Variants in OXR1 observed in about 807,000 individuals in gnomAD.
OXR1 encodes oxidation resistance protein 1.
OXR1 carries 41 observed loss-of-function variants against 104.6 expected under a neutral mutation model. The observed-to-expected ratio is 0.39, with a 90% CI of 0.31 to 0.51. OXR1 has a LOEUF of 0.51. OXR1 is among the 20% of genes least tolerant of loss of function. OXR1 has a pLI of 0.77. For synonymous variants in OXR1, 348 were observed against 348.4 expected, an observed-to-expected ratio of 1.00 and a Z score of 0.01; for missense variants, 955 against 1,031.9, an observed-to-expected ratio of 0.93 and a Z score of 1.02.
chr8:106,424,056 C>T (rs189019882), intron 2 of OXR1, among the ~76,000 whole-genome samples: 1 of 152,214 alleles, frequency 6.6e-6, no homozygotes, highest in African/African-American at 2.4e-5. Context: ...TCTGCCTTAG[C>T]CTCCCAAGTA....
At chr8:106,650,877 G>T (rs1195676567) in intron 3 of OXR1, among the ~76,000 whole-genome samples, 1 of 152,108 alleles carries the variant, frequency 6.6e-6, no homozygotes, top group Non-Finnish European at 1.5e-5. Flanking sequence ...AGTTATACCA[G>T]GAACTGTGTA....
chr8:106,448,105 G>C (rs1255930487), intron 2 of OXR1: 26 of 1,515,906 alleles, frequency 1.7e-5, no homozygotes, highest in Non-Finnish European at 2.2e-5. Context: ...TGAAGAAAAC[G>C]TTTCCTAGTT....
chr8:106,339,519 AATATATATAT>A (rs756741127), intron 1 of OXR1, among the ~76,000 whole-genome samples: 5,009 of 33,384 alleles, frequency 0.15, 908 homozygotes, highest in South Asian at 0.21. Context: ...AAAAAAAAAA[AATATATATAT>A]ATATATATAT....
At chr8:106,308,416 C>G (rs1813553016) in intron 1 of OXR1, among the ~76,000 whole-genome samples, 1 of 152,156 alleles carries the variant, frequency 6.6e-6, no homozygotes, top group African/African-American at 2.4e-5. Context: ...CCCACACAGA[C>G]ACATCTAGAA....
Position 106,584,299 on chromosome 8 carries a change from C to A in OXR1, c.220+65160C>A, listed in dbSNP as rs1416133577. On this transcript the variant is annotated intron_variant, in intron 3 of 16. Transcript: ENST00000517566. ...AAACAGGATCTCCAGAAAGAGATACCAGACTTAAAAAAAGAGAGGGGTGTT... is the reference window on the plus strand; with the variant it reads ...AAACAGGATCTCCAGAAAGAGATACAAGACTTAAAAAAAGAGAGGGGTGTT... Among the ~76,000 whole-genome samples the A allele has an allele frequency of 2.7e-5, 4 of 149,652 alleles. No individual in the cohort carries two copies. In the East Asian group the frequency reaches 7.9e-4, roughly 30 times the overall value.
chr8:106,318,821 T>A (rs1814091432), intron 1 of OXR1, among the ~76,000 whole-genome samples: 1 of 152,220 alleles, frequency 6.6e-6, no homozygotes, highest in Non-Finnish European at 1.5e-5. Context: ...ATTTATCTTT[T>A]AATCATTAGA....
intron 2 of OXR1, among the ~76,000 whole-genome samples, chr8:106,392,226 C>T (rs1476839212): frequency 1.3e-5 from 2 of 152,118 alleles, no homozygotes; most frequent in African/African-American, 2.4e-5. Context: ...ATAGGAAATC[C>T]TCACCCCACA....
At chr8:106,520,627 G>C (rs1470016645) in intron 3 of OXR1, 1 of 152,184 alleles carries the variant, frequency 6.6e-6, no homozygotes, top group Non-Finnish European at 1.5e-5. Flanking sequence ...ATTAATAAAA[G>C]TGTAGACAGG....
Position 106,640,645 on chromosome 8 carries a change from A to G in OXR1, c.221-38565A>G, listed in dbSNP as rs377085641. 1.1e-4 allele frequency among the ~76,000 whole-genome samples: 16 copies of G among 152,282 alleles called. No homozygotes were observed. In the East Asian group the frequency reaches 2.1e-3, roughly 20 times the overall value. ...CATGTAATCTTTACTTTGGGAAGTA[A>G]CTTCGATAGCATAAAAATAACATTT... On this transcript the variant is annotated intron_variant, in intron 3 of 16. Transcript: ENST00000517566.
At chr8:106,493,534 C>T (rs55798121) in intron 2 of OXR1, among the ~76,000 whole-genome samples, 175 of 152,210 alleles carry the variant, frequency 1.1e-3, no homozygotes, top group African/African-American at 4.0e-3. Flanking sequence ...ATTAACTTCC[C>T]GTTTGATTCT....
At chr8:106,552,955 A>T (rs1815965825) in intron 3 of OXR1, among the ~76,000 whole-genome samples, 2 of 152,170 alleles carry the variant, frequency 1.3e-5, no homozygotes, top group African/African-American at 4.8e-5. Context: ...CTGGATAACA[A>T]AGACTGTTTT....
intron 1 of OXR1, among the ~76,000 whole-genome samples, chr8:106,316,714 TATC>T (rs10570387): frequency 0.099 from 7,957 of 80,224 alleles, 238 homozygotes; most frequent in African/African-American, 0.2. Flanking sequence ...TCTATCTATC[TATC>T]ATCTATCTAT....
intron 6 of OXR1, among the ~76,000 whole-genome samples, chr8:106,687,869 A>T (rs1268338316): frequency 6.6e-6 from 1 of 152,136 alleles, no homozygotes; most frequent in East Asian, 1.9e-4. Flanking sequence ...TAAGATTCTA[A>T]CCCAGATGGG....
At chr8:106,501,270 A>G (rs1811788900) in intron 2 of OXR1, among the ~76,000 whole-genome samples, 1 of 152,156 alleles carries the variant, frequency 6.6e-6, no homozygotes, top group African/African-American at 2.4e-5. Context: ...AAGACAGGCA[A>G]CTGCCACCAC....
At chr8:106,470,425 G>A (rs1429159924) in intron 2 of OXR1, among the ~76,000 whole-genome samples, 1 of 151,766 alleles carries the variant, frequency 6.6e-6, no homozygotes, top group Non-Finnish European at 1.5e-5. Context: ...ATAAGTCCGA[G>A]TATTTTGGCC....
chr8:106,378,591 C>T lies in OXR1; in HGVS notation c.23+18955C>T, dbSNP rs943436691. ...ATGGCACGATCTCGGCTCACCACAA[C>T]TTCTGACACCCAGGTTCAAGTGATT... On this transcript the variant is annotated intron_variant, in intron 2 of 16. Transcript: ENST00000517566. Among the ~76,000 whole-genome samples the T allele has an allele frequency of 6.6e-5, 10 of 152,310 alleles. 1 individual carries two copies. Among genetic ancestry groups the T allele is most frequent in the Admixed American group, 4.6e-4 (7 of 15,298 alleles).
intron 3 of OXR1, chr8:106,522,942 G>A (rs1163952654): frequency 6.6e-6 from 1 of 152,214 alleles, no homozygotes; most frequent in Non-Finnish European, 1.5e-5. Context: ...TGCTCAGGGT[G>A]TCTCAAGGCT....
At chr8:106,325,720 A>C (rs2130198080) in intron 1 of OXR1, among the ~76,000 whole-genome samples, 1 of 152,326 alleles carries the variant, frequency 6.6e-6, no homozygotes, top group East Asian at 1.9e-4. Flanking sequence ...CTCAGATCTG[A>C]ATGCTTTAGG....
At chr8:106,276,538 G>C (rs1457631992) in intron 1 of OXR1, among the ~76,000 whole-genome samples, 1 of 152,142 alleles carries the variant, frequency 6.6e-6, no homozygotes, top group African/African-American at 2.4e-5. Context: ...TCTTTAAAAT[G>C]AAGATAATTA....
Sources: gnomAD v4.1 joint callset for allele counts (sites outside exome capture counted in the v4.1 genomes callset) on GRCh38, gnomAD v4.1.1 for gene constraint, MANE v1.5 for transcripts, NCBI Gene and HGNC (gene_info 2026-07-23, HGNC 2026-07-21) for gene names.